The following NHSL2 variants were observed in gnomAD, a reference collection of about 807,000 sequenced individuals.
The protein encoded by NHSL2 is NHS like 2, also known as NHS-like protein 2.
In NHSL2, 27 loss-of-function variants were observed where a neutral mutation model predicts 53.4. That is an observed-to-expected ratio of 0.51 (90% CI 0.37 to 0.70). The LOEUF (loss-of-function observed/expected upper bound fraction) is 0.70, where lower values mean the gene tolerates loss of function less well. Ranked by LOEUF, NHSL2 falls within the 30% of genes least tolerant of loss-of-function variation. The pLI is 0.00. For synonymous variants in NHSL2, 408 were observed against 404.1 expected, an observed-to-expected ratio of 1.01 and a Z score of -0.12; for missense variants, 892 against 980.1, an observed-to-expected ratio of 0.91 and a Z score of 1.20.
intron 1 of NHSL2, among the ~76,000 whole-genome samples, chrX:72,097,433 G>A (rs890745250): frequency 8.9e-6 from 1 of 112,022 alleles, no homozygotes; most frequent in African/African-American, 3.3e-5. Context: ...TTTTGGGGGA[G>A]AAGGGGGAGG....
intron 1 of NHSL2, among the ~76,000 whole-genome samples, chrX:72,088,265 CA>C (rs2041867677): frequency 8.9e-6 from 1 of 112,140 alleles, no homozygotes; most frequent in African/African-American, 3.2e-5. Context: ...GTTAGTTCTA[CA>C]GAGTAATATA....
At chrX:72,032,030 A>G (rs982346582) in intron 1 of NHSL2, among the ~76,000 whole-genome samples, 2 of 110,835 alleles carry the variant, frequency 1.8e-5, no homozygotes, top group African/African-American at 3.3e-5. Context: ...TATCACATGT[A>G]TAGATTTGTA....
intron 1 of NHSL2, among the ~76,000 whole-genome samples, chrX:71,915,067 G>C (rs2041621827): frequency 1.8e-5 from 2 of 111,319 alleles, no homozygotes; most frequent in Non-Finnish European, 1.9e-5. Flanking sequence ...TTCCTGGTCT[G>C]CTTCATGGTA....
intron 1 of NHSL2, among the ~76,000 whole-genome samples, chrX:72,097,809 A>G (rs772693532): frequency 1.8e-5 from 2 of 112,040 alleles, no homozygotes; most frequent in Non-Finnish European, 3.8e-5. Flanking sequence ...TCTTTTCAAA[A>G]CACTTAAACC....
chrX:72,132,201 G>A lies in NHSL2; in HGVS notation c.403G>A (p.Glu135Lys). 2 of 1,165,439 alleles carry A rather than the reference G, an allele frequency of 1.7e-6. No homozygotes were observed. Among genetic ancestry groups the A allele is most frequent in the Non-Finnish European group, 2.3e-6 (2 of 871,703 alleles). The change falls in exon 2 of 8, where the codon GAG becomes AAG. Residue 135 changes from glutamate (E) to lysine (K), a missense_variant. Transcript: ENST00000633930. ...RPPSVEELLREAQLNLQSLLQ... is the reference protein window; with the variant it reads ...RPPSVEELLRKAQLNLQSLLQ... The stretch of plus-strand genomic sequence containing the variant: ...CCCGAGTGTAGAGGAGCTGCTTCGG[G>A]AGGCGCAGCTCAATCTCCAGAGCCT...
chrX:71,925,604 C>T (rs985215866), intron 1 of NHSL2, among the ~76,000 whole-genome samples: 12 of 111,125 alleles, frequency 1.1e-4, no homozygotes, highest in Admixed American at 9.6e-5. Context: ...AGATCACCCT[C>T]ATCTTACTTT....
intron 1 of NHSL2, among the ~76,000 whole-genome samples, chrX:72,106,189 C>T (rs1393117041): frequency 9.2e-6 from 1 of 108,922 alleles, no homozygotes; most frequent in Non-Finnish European, 1.9e-5. Context: ...CCAGCCTGGG[C>T]GACAGCAAGA....
intron 1 of NHSL2, among the ~76,000 whole-genome samples, chrX:72,020,138 A>G (rs1190830180): frequency 1.8e-5 from 2 of 112,822 alleles, no homozygotes; most frequent in African/African-American, 6.5e-5. Flanking sequence ...AACACAGGCT[A>G]ATTGTGAAAA....
At chrX:71,990,406 C>T (rs2042022402) in intron 1 of NHSL2, among the ~76,000 whole-genome samples, 1 of 111,278 alleles carries the variant, frequency 9.0e-6, no homozygotes, top group Non-Finnish European at 1.9e-5. Context: ...AACCCATGTC[C>T]TCTGGGTTCT....
In NHSL2 at chrX:72,093,627, C is replaced by T. The variant is rs1283004580; in HGVS notation, c.281-38452C>T. 5.3e-5 allele frequency among the ~76,000 whole-genome samples: 6 copies of T among 112,422 alleles called. No individual in the cohort carries two copies. In the Admixed American group the frequency reaches 5.6e-4, roughly 11 times the overall value. ...CATTGATAGATGTTGAGGATGCTTC[C>T]ATTTTCACCTTATTACTAGCAATGG... On this transcript the variant is annotated intron_variant, in intron 1 of 7. Coordinates refer to ENST00000633930, the MANE Select transcript of NHSL2 (RefSeq NM_001013627.3).
At position 72,148,090 on chromosome X, in the gene NHSL2, G is replaced by A. The variant is rs1000241047; in HGVS notation, c.*4516G>A. On this transcript the variant is annotated 3_prime_UTR_variant, in exon 8 of 8. Coordinates refer to ENST00000633930, the MANE Select transcript of NHSL2 (RefSeq NM_001013627.3). ...GCTATTCAATATGGTTACTACCAAG[G>A]GACTCTCAGAAATGGCTACTAAAAG... 1.7e-4 allele frequency: 19 copies of A among 111,625 alleles called. No homozygotes were observed. Among genetic ancestry groups the A allele is most frequent in the African/African-American group, 6.2e-4 (19 of 30,678 alleles). The allele number at this position is 111,625 out of a possible 1,213,427, so 9.2% of individuals were successfully genotyped here.
At chrX:72,056,066 C>T (rs1291607228) in intron 1 of NHSL2, among the ~76,000 whole-genome samples, 2 of 111,938 alleles carry the variant, frequency 1.8e-5, no homozygotes, top group Non-Finnish European at 3.8e-5. Flanking sequence ...AAATTTTTTA[C>T]GGAATTATTA....
intron 1 of NHSL2, among the ~76,000 whole-genome samples, chrX:71,997,800 T>G (rs190343050): frequency 8.9e-6 from 1 of 112,388 alleles, no homozygotes; most frequent in East Asian, 2.8e-4. Flanking sequence ...TTCATTGCCA[T>G]GTCCCTAGGG....
intron 1 of NHSL2, among the ~76,000 whole-genome samples, chrX:72,033,244 T>C (rs1217893193): frequency 9.6e-6 from 1 of 104,457 alleles, no homozygotes; most frequent in Non-Finnish European, 1.9e-5. Context: ...TGGAGTGCAG[T>C]GGCGCAATCT....
At chrX:72,054,818 GT>G (rs1463835566) in intron 1 of NHSL2, among the ~76,000 whole-genome samples, 1 of 111,329 alleles carries the variant, frequency 9.0e-6, no homozygotes, top group Admixed American at 9.5e-5. Flanking sequence ...CCCCATTTGA[GT>G]TCTTTTGGGA....
chrX:72,124,763 C>T (rs138642081), intron 1 of NHSL2, among the ~76,000 whole-genome samples: 247 of 112,001 alleles, frequency 2.2e-3, no homozygotes, highest in Non-Finnish European at 3.8e-3. Flanking sequence ...ACAGAATGAA[C>T]GTGGGGAAGT....
chrX:72,036,785 T>A (rs970241028), intron 1 of NHSL2, among the ~76,000 whole-genome samples: 9 of 112,391 alleles, frequency 8.0e-5, no homozygotes, highest in South Asian at 3.7e-4. Flanking sequence ...GCCCATCCAC[T>A]GAGTTTTTAA....
rs968219296 is a variant in NHSL2 at position 72,110,249 on chromosome X, C to T, written c.281-21830C>T. Among the ~76,000 whole-genome samples, 9 of 111,420 alleles carry T rather than the reference C, an allele frequency of 8.1e-5. No homozygotes were observed. In the East Asian group the frequency reaches 8.5e-4, roughly 10 times the overall value. ...GCTCCACCTACTGCGACAGAACCCG[C>T]GTTTTAACAACATCCCCAGGGGATT... is the stretch of plus-strand genomic sequence containing the variant. On this transcript the variant is annotated intron_variant, in intron 1 of 7. Coordinates refer to ENST00000633930, the MANE Select transcript of NHSL2 (RefSeq NM_001013627.3).
rs1289347427 is a variant in NHSL2 at position 72,143,368 on chromosome X, G to A, written c.3472G>A (p.Ala1158Thr). 4.3e-6 allele frequency: 5 copies of A among 1,164,641 alleles called. No individual in the cohort carries two copies. The highest frequency in any genetic ancestry group is 5.7e-6 in the Non-Finnish European group (5 of 871,840). Residue 1158 changes from alanine (A) to threonine (T), a missense_variant, in exon 8 of 8, where the codon GCC (alanine) becomes ACC (threonine). Physicochemically the swap from Ala to Thr is moderately conservative, Grantham distance 58 (BLOSUM62 0). Coordinates refer to ENST00000633930, the MANE Select transcript of NHSL2 (RefSeq NM_001013627.3). ...TAESPISEST[A>T]TAGSGSSANL... ...TGAGTCTCCAATCAGTGAGTCTACC[G>A]CCACTGCAGGGTCAGGCAGCAGTGC...
Sources: gnomAD v4.1 joint callset for allele counts (sites outside exome capture counted in the v4.1 genomes callset) on GRCh38, gnomAD v4.1.1 for gene constraint, MANE v1.5 for transcripts, NCBI Gene and HGNC (gene_info 2026-07-23, HGNC 2026-07-21) for gene names.